Variants in CCDC150 observed in about 807,000 individuals in gnomAD.
CCDC150 encodes the protein coiled-coil domain containing 150.
A neutral mutation model predicts 156.5 loss-of-function variants in CCDC150; 151 were observed. The observed-to-expected ratio is 0.97, with a 90% CI of 0.85 to 1.10. The LOEUF is 1.10. Ranked by LOEUF, CCDC150 falls within the 50% of genes least tolerant of loss-of-function variation. The pLI, the probability that CCDC150 is intolerant of heterozygous loss-of-function variation, is 0.00. For synonymous variants in CCDC150, 452 were observed against 429.4 expected (o/e 1.05, Z -0.65); for missense variants, 1,312 against 1,268.1 (o/e 1.03, Z -0.53).
chr2:196,666,923 A>T (rs748455334), intron 7 of CCDC150, 75 bp downstream of exon 7: 2 of 1,537,232 alleles, frequency 1.3e-6, no homozygotes, highest in Non-Finnish European at 1.8e-6. Context: ...TAAGATCCCA[A>T]ATTCTTAAAG....
At chr2:196,691,870 G>T (rs1695501423) in intron 13 of CCDC150, among the ~76,000 whole-genome samples, 1 of 152,146 alleles carries the variant, frequency 6.6e-6, no homozygotes, top group Non-Finnish European at 1.5e-5. Context: ...GAACCTGGGA[G>T]TCGGAGGTTG....
chr2:196,710,577 C>G (rs543214773), intron 15 of CCDC150, among the ~76,000 whole-genome samples: 20 of 152,206 alleles, frequency 1.3e-4, no homozygotes, highest in Non-Finnish European at 2.2e-4. Flanking sequence ...CACCCGTCTT[C>G]TGTGTCGGGC....
chr2:196,721,681 G>A lies in CCDC150; in HGVS notation c.2419G>A (p.Glu807Lys). 1.9e-6 allele frequency: 3 copies of A among 1,595,600 alleles called. No individual in the cohort carries two copies. The highest frequency in any genetic ancestry group is 2.6e-6 in the Non-Finnish European group (3 of 1,171,798). The change falls in exon 21 of 28, where the codon GAA (glutamate) becomes AAA (lysine). Residue 807 changes from glutamate to lysine, a missense_variant. Glu to Lys is a moderately conservative substitution (Grantham distance 56, BLOSUM62 1). Transcript: ENST00000389175. ...CAAAGAACTTGAGCGACAGAATTTG[G>A]AAACCTTCAAGTAAGAGCATTATAG... ...ESKELERQNL[E>K]TFKDRMTEES...
chr2:196,706,925 G>A (rs1000297890), intron 15 of CCDC150, among the ~76,000 whole-genome samples: 1 of 152,132 alleles, frequency 6.6e-6, no homozygotes, highest in Admixed American at 6.6e-5. Context: ...GTATTTTATT[G>A]AGGATTTTCA....
chr2:196,713,331 TTTA>T, intron 17 of CCDC150: 1 of 1,440,446 alleles, frequency 6.9e-7, no homozygotes, highest in Non-Finnish European at 9.1e-7. Context: ...TTTAGCTGAT[TTTA>T]TTGTTTTTAT....
intron 10 of CCDC150, 69 bp from the exon 11 acceptor site, chr2:196,676,074 T>G: frequency 6.8e-7 from 1 of 1,474,628 alleles, no homozygotes; most frequent in East Asian, 2.3e-5. Flanking sequence ...TTTGATCAGT[T>G]ACTCCAAATG....
rs1377646327 is a variant in CCDC150 at position 196,730,099 on chromosome 2, A to G, written c.2963A>G (p.Glu988Gly). ...HLEAERKIRQ[E>G]LENRCQELEE... ...GAAGCAGAGCGGAAAATAAGGCAGGAGCTAGAGAATCGGTGCCAGGTAAAA... is the reference window on the plus strand; with the variant it reads ...GAAGCAGAGCGGAAAATAAGGCAGGGGCTAGAGAATCGGTGCCAGGTAAAA... Residue 988 changes from glutamate to glycine, a missense_variant, in exon 25 of 28, where the codon GAG (glutamate) becomes GGG (glycine). Physicochemically the swap from Glu to Gly is moderately conservative, Grantham distance 98. Transcript: ENST00000389175. 2 of 1,606,582 alleles carry G rather than the reference A, an allele frequency of 1.2e-6. No homozygotes were observed. Among genetic ancestry groups the G allele is most frequent in the Admixed American group, 3.4e-5 (2 of 58,122 alleles).
At chr2:196,671,416 C>T (rs1009534784) in intron 8 of CCDC150, among the ~76,000 whole-genome samples, 3 of 141,152 alleles carry the variant, frequency 2.1e-5, no homozygotes, top group South Asian at 2.3e-4. Context: ...ATTTTTCTTT[C>T]TTTTCTCTCT....
intron 1 of CCDC150, 125 bp downstream of exon 1, chr2:196,639,903 C>T (rs1341258549): frequency 5.8e-6 from 5 of 856,356 alleles, no homozygotes; most frequent in Non-Finnish European, 6.5e-6. Context: ...GTCTCACTCC[C>T]TGGACCTCAG....
At position 196,658,801 on chromosome 2, in the gene CCDC150, G is replaced by C. The variant is rs765768562; in HGVS notation, c.586G>C (p.Ala196Pro). The stretch of plus-strand genomic sequence containing the variant: ...CTCCTTCTACTTTTAGAAGAATGCA[G>C]CCATTATTGAAGAGGAACTGAAGAC... Reference protein sequence around the residue: ...KIASQTKKNAAIIEEELKTTK... With the variant: ...KIASQTKKNAPIIEEELKTTK... The change falls in exon 5 of 28, where the codon GCC becomes CCC. Residue 196 changes from alanine (A) to proline (P), a missense_variant. Coordinates refer to ENST00000389175, the MANE Select transcript of CCDC150 (RefSeq NM_001080539.2). 6.2e-7 allele frequency: 1 copy of C among 1,601,874 alleles called. No individual in the cohort carries two copies. The highest frequency in any genetic ancestry group is 8.5e-7 in the Non-Finnish European group (1 of 1,173,018).
rs1258931778 is a variant in CCDC150 at position 196,665,631 on chromosome 2, T to C, written c.710T>C (p.Met237Thr). Residue 237 changes from methionine (M) to threonine (T), a missense_variant, in exon 6 of 28, where the codon ATG (methionine) becomes ACG (threonine). Met to Thr is a moderately conservative substitution (Grantham distance 81, BLOSUM62 -1). Coordinates refer to ENST00000389175, the MANE Select transcript of CCDC150 (RefSeq NM_001080539.2). ...TCTTTAGAGAAATCAGCATCAGCCATGCTCCTCAAAATACAAGAAATGGGA... is the reference window on the plus strand; with the variant it reads ...TCTTTAGAGAAATCAGCATCAGCCACGCTCCTCAAAATACAAGAAATGGGA... ...RESLEKSASA[M>T]LLKIQEMGST... is the part of the protein sequence containing the mutation. 2.5e-6 allele frequency: 4 copies of C among 1,605,186 alleles called. No homozygotes were observed. Among genetic ancestry groups the C allele is most frequent in the Non-Finnish European group, 3.4e-6 (4 of 1,176,058 alleles).
intron 5 of CCDC150, among the ~76,000 whole-genome samples, chr2:196,664,384 C>T (rs1693723079): frequency 6.6e-6 from 1 of 152,216 alleles, no homozygotes; most frequent in South Asian, 2.1e-4. Context: ...GCTGGAACAG[C>T]TCAGAGAATT....
intron 4 of CCDC150, among the ~76,000 whole-genome samples, chr2:196,658,271 T>C (rs1693344099): frequency 6.6e-6 from 1 of 151,966 alleles, no homozygotes. Context: ...AAAGGTATGC[T>C]CGAATATGGT....
intron 8 of CCDC150, 83 bp from the exon 9 acceptor site, chr2:196,672,262 C>G: frequency 3.5e-6 from 2 of 564,612 alleles, no homozygotes; most frequent in Non-Finnish European, 5.7e-6. Context: ...CTTGTACTGG[C>G]CGAAATACAA....
rs202231571 is a variant in CCDC150, at chr2:196,665,643, T to C, written c.722T>C (p.Ile241Thr). The part of the protein sequence containing the change: ...EKSASAMLLK[I>T]QEMGSTVEVE... Reference sequence around the variant, plus strand: ...TCAGCATCAGCCATGCTCCTCAAAATACAAGAAATGGGATCAACAGTGGAG... The same window carrying C: ...TCAGCATCAGCCATGCTCCTCAAAACACAAGAAATGGGATCAACAGTGGAG... Residue 241 changes from isoleucine to threonine, a missense_variant, in exon 6 of 28, where the codon ATA becomes ACA. Physicochemically the swap from Ile to Thr is moderately conservative, Grantham distance 89 (BLOSUM62 -1). Transcript: ENST00000389175. 88 of 1,603,132 alleles carry C rather than the reference T, an allele frequency of 5.5e-5. No homozygotes were observed. In the East Asian group the frequency reaches 1.7e-3, roughly 30 times the overall value.
Sources: gnomAD v4.1 joint callset for allele counts (sites outside exome capture counted in the v4.1 genomes callset) on GRCh38, gnomAD v4.1.1 for gene constraint, MANE v1.5 for transcripts, NCBI Gene and HGNC (gene_info 2026-07-23, HGNC 2026-07-21) for gene names.